The following CCDC18 variants were observed in gnomAD, a reference collection of about 807,000 sequenced individuals.
CCDC18 encodes coiled-coil domain-containing protein 18.
CCDC18 carries 157 observed loss-of-function variants against 196.0 expected under a neutral mutation model. That is an observed-to-expected ratio of 0.80 (90% CI 0.70 to 0.91). The LOEUF (loss-of-function observed/expected upper bound fraction) is 0.91, where lower values mean the gene tolerates loss of function less well. CCDC18 is among the 40% of genes least tolerant of loss of function. The probability of loss-of-function intolerance (pLI) is 0.00; values close to 1 mark genes in which losing one functional copy is unlikely to be tolerated. For synonymous variants in CCDC18, 482 were observed against 529.2 expected (o/e 0.91, Z 1.22); for missense variants, 1,465 against 1,611.6 (o/e 0.91, Z 1.56).
intron 19 of CCDC18, among the ~76,000 whole-genome samples, chr1:93,236,929 C>T (rs1315569064): frequency 1.3e-5 from 2 of 152,138 alleles, no homozygotes; most frequent in African/African-American, 4.8e-5. Context: ...AGGCTGGTCC[C>T]AGGCATCGAT....
intron 23 of CCDC18, 54 bp downstream of exon 23, chr1:93,247,008 G>A: frequency 1.3e-6 from 1 of 791,604 alleles, no homozygotes; most frequent in African/African-American, 1.8e-5. Flanking sequence ...AATTCAAACT[G>A]TAACTAAAAA....
chr1:93,232,401 A>G, intron 17 of CCDC18, 25 bp from the exon 18 acceptor site: 1 of 1,370,216 alleles, frequency 7.3e-7, no homozygotes, highest in South Asian at 1.3e-5. Context: ...CATTGTATTG[A>G]GAGATATATA....
intron 4 of CCDC18, among the ~76,000 whole-genome samples, chr1:93,189,917 TC>T (rs1651429573): frequency 6.6e-6 from 1 of 152,172 alleles, no homozygotes; most frequent in Non-Finnish European, 1.5e-5. Context: ...TCCACCCACC[TC>T]CCAAAGTGCT....
At chr1:93,259,422 T>C (rs1663470093) in intron 26 of CCDC18, among the ~76,000 whole-genome samples, 1 of 152,180 alleles carries the variant, frequency 6.6e-6, no homozygotes. Flanking sequence ...TAGAATAGCA[T>C]TTTTCATCTT....
chr1:93,263,995 GA>G (rs1258230142), intron 26 of CCDC18, among the ~76,000 whole-genome samples: 1 of 152,116 alleles, frequency 6.6e-6, no homozygotes, highest in Admixed American at 6.5e-5. Flanking sequence ...AATTTATAAA[GA>G]AAAGAGGTTT....
intron 26 of CCDC18, among the ~76,000 whole-genome samples, chr1:93,260,453 T>G (rs1357065921): frequency 2.6e-5 from 4 of 152,130 alleles, no homozygotes; most frequent in Non-Finnish European, 4.4e-5. Flanking sequence ...ATACTAATAT[T>G]TTGTCTATAA....
intron 24 of CCDC18, among the ~76,000 whole-genome samples, chr1:93,256,121 T>C (rs1250181629): frequency 2.0e-5 from 3 of 152,166 alleles, no homozygotes; most frequent in African/African-American, 7.2e-5. Context: ...AGAGTCCCAA[T>C]TATGGTATTT....
chr1:93,274,424 G>T (rs2101579552), intron 28 of CCDC18, among the ~76,000 whole-genome samples: 1 of 151,956 alleles, frequency 6.6e-6, no homozygotes, highest in South Asian at 2.1e-4. Flanking sequence ...TAAATAGTAG[G>T]AGTTAAAAGT....
At chr1:93,200,421 A>G (rs1571392289) in intron 6 of CCDC18, among the ~76,000 whole-genome samples, 1 of 152,122 alleles carries the variant, frequency 6.6e-6, no homozygotes, top group East Asian at 1.9e-4. Flanking sequence ...TGCGAGTATT[A>G]CTTGAGGCCA....
intron 14 of CCDC18, among the ~76,000 whole-genome samples, chr1:93,219,544 A>G (rs892387249): frequency 2.0e-5 from 3 of 152,236 alleles, no homozygotes; most frequent in African/African-American, 7.2e-5. Context: ...CTAAGTGACT[A>G]ACGAGCAGGT....
chr1:93,231,223 T>G (rs1659192494), intron 17 of CCDC18, among the ~76,000 whole-genome samples: 2 of 152,220 alleles, frequency 1.3e-5, no homozygotes, highest in African/African-American at 4.8e-5. Context: ...GGAATGATAT[T>G]TACTGGAAAG....
chr1:93,264,720 A>T lies in CCDC18; in HGVS notation c.3704A>T (p.Asn1235Ile). The change falls in exon 27 of 29, where the codon AAC becomes ATC. Residue 1235 changes from asparagine (N) to isoleucine (I), a missense_variant. Physicochemically the swap from Asn to Ile is moderately radical, Grantham distance 149. Transcript: ENST00000690025. ...YHMEMISHQE[N>I]HAKWKISADS... ...ATATAGATGATTTCACATCAAGAGA[A>T]CCATGCAAAGTGGAAGATTTCTGCT... The T allele has an allele frequency of 1.9e-6, 3 of 1,611,646 alleles. No individual in the cohort carries two copies. The highest frequency in any genetic ancestry group is 2.5e-6 in the Non-Finnish European group (3 of 1,178,058).
intron 17 of CCDC18, among the ~76,000 whole-genome samples, chr1:93,229,343 A>T (rs1227044538): frequency 6.6e-6 from 1 of 152,228 alleles, no homozygotes; most frequent in Non-Finnish European, 1.5e-5. Context: ...CTGTTGACTT[A>T]TTTGCCTTTA....
chr1:93,194,734 G>T (rs1652423745), intron 6 of CCDC18, among the ~76,000 whole-genome samples: 1 of 152,200 alleles, frequency 6.6e-6, no homozygotes, highest in South Asian at 2.1e-4. Context: ...CACGTGGTTA[G>T]TTAAAATAGT....
intron 4 of CCDC18, among the ~76,000 whole-genome samples, chr1:93,189,172 A>G (rs570365400): frequency 1.0e-3 from 152 of 152,184 alleles, no homozygotes; most frequent in African/African-American, 3.6e-3. Context: ...CTCTGTGTCC[A>G]TGAGTTCAAT....
intron 21 of CCDC18, among the ~76,000 whole-genome samples, chr1:93,245,066 T>TA (rs1438007084): frequency 1.3e-5 from 2 of 152,208 alleles, no homozygotes; most frequent in Non-Finnish European, 2.9e-5. Context: ...CTGGACCTAT[T>TA]ACAATGTAAA....
At position 93,236,297 on chromosome 1, in the gene CCDC18, A is replaced by C; in HGVS notation, c.2510A>C (p.Glu837Ala). ...ELQKQRESSA[E>A]KLRKMEEKCE... ...CAAAAACAAAGGGAAAGTTCAGCTG[A>C]AAAGTTGAGAAAAATGGAGGAGAAA... Residue 837 changes from glutamate (E) to alanine (A), a missense_variant, in exon 19 of 29, where the codon GAA becomes GCA. Transcript: ENST00000690025. The C allele has an allele frequency of 6.3e-7, 1 of 1,580,056 alleles. No individual in the cohort carries two copies. The highest frequency in any genetic ancestry group is 8.5e-7 in the Non-Finnish European group (1 of 1,169,738).
chr1:93,206,412 A>T (rs981531204), intron 8 of CCDC18, among the ~76,000 whole-genome samples: 6 of 152,140 alleles, frequency 3.9e-5, no homozygotes, highest in African/African-American at 1.4e-4. Flanking sequence ...TTTATACTTC[A>T]TGAAAGAATT....
At chr1:93,261,514 C>T (rs1435850850) in intron 26 of CCDC18, among the ~76,000 whole-genome samples, 3 of 152,000 alleles carry the variant, frequency 2.0e-5, no homozygotes, top group Admixed American at 6.6e-5. Flanking sequence ...TAAGCATTCT[C>T]GGAAGTGTGT....
Sources: allele counts gnomAD v4.1 joint callset (sites outside exome capture counted in the v4.1 genomes callset), GRCh38; gene constraint gnomAD v4.1.1; transcripts MANE v1.5; gene names NCBI Gene and HGNC (gene_info 2026-07-23, HGNC 2026-07-21).